The following CADPS variants were observed in gnomAD, a reference collection of about 807,000 sequenced individuals.
CADPS encodes the protein calcium-dependent secretion activator 1.
A neutral mutation model predicts 167.3 loss-of-function variants in CADPS; 57 were observed. The ratio of observed to expected loss-of-function variants is 0.34; its 90% CI spans 0.28 to 0.42. The LOEUF is 0.42. CADPS is among the 20% of genes least tolerant of loss of function. CADPS has a pLI of 1.00. For missense variants in CADPS, 1,414 were observed against 1,738.1 expected, an observed-to-expected ratio of 0.81 and a Z score of 3.32; for synonymous variants, 676 against 635.3, an observed-to-expected ratio of 1.06 and a Z score of -0.96.
intron 28 of CADPS, among the ~76,000 whole-genome samples, chr3:62,419,416 A>C (rs1294967949): frequency 6.6e-6 from 1 of 152,122 alleles, no homozygotes; most frequent in Non-Finnish European, 1.5e-5. Context: ...CATCCTCTCA[A>C]AGGAACTTAC....
intron 10 of CADPS, among the ~76,000 whole-genome samples, chr3:62,552,670 T>C (rs138463589): frequency 6.6e-6 from 1 of 152,316 alleles, no homozygotes; most frequent in African/African-American, 2.4e-5. Context: ...GACTTCTTCA[T>C]TGTGCCGATG....
chr3:62,869,984 T>A (rs1450480079), intron 1 of CADPS, among the ~76,000 whole-genome samples: 1 of 152,172 alleles, frequency 6.6e-6, no homozygotes, highest in African/African-American at 2.4e-5. Context: ...GAATGAAACA[T>A]TTAATTTCCT....
intron 28 of CADPS, among the ~76,000 whole-genome samples, chr3:62,429,146 C>T (rs550376625): frequency 2.2e-4 from 34 of 152,304 alleles, no homozygotes; most frequent in Admixed American, 1.6e-3. Context: ...TGTGTGTACA[C>T]GCACACTGGG....
At position 62,585,179 on chromosome 3, in the gene CADPS, A is replaced by G. The variant is rs60992373; in HGVS notation, c.1577+6T>C. 6.2e-4 allele frequency: 1,002 copies of G among 1,613,024 alleles called. 6 individuals carry two copies. The African/African-American group carries it at 0.011, about 18-fold the overall frequency. The stretch of plus-strand genomic sequence containing the variant: ...CAAAACTGCTAGTTGGGGAAGAAAC[A>G]CTTACCCAGAATGCTTCATGTTTTG... On this transcript the variant is annotated splice_donor_region_variant and intron_variant, in intron 8 of 29. Transcript: ENST00000383710.
intron 27 of CADPS, among the ~76,000 whole-genome samples, chr3:62,443,082 GCAC>G (rs2056625810): frequency 6.6e-6 from 1 of 152,054 alleles, no homozygotes. Flanking sequence ...TTTCTAATAT[GCAC>G]TAAAATAATT....
chr3:62,467,987 C>T (rs2150430807), intron 24 of CADPS, among the ~76,000 whole-genome samples: 1 of 152,250 alleles, frequency 6.6e-6, no homozygotes, highest in South Asian at 2.1e-4. Context: ...CCTCCAGTTT[C>T]ATTTTAATTG....
intron 1 of CADPS, among the ~76,000 whole-genome samples, chr3:62,833,996 C>T (rs1215535908): frequency 6.6e-6 from 1 of 152,144 alleles, no homozygotes; most frequent in Non-Finnish European, 1.5e-5. Flanking sequence ...ATGATCTCTT[C>T]CTGATGTGAT....
At chr3:62,642,171 G>A (rs1202440725) in intron 6 of CADPS, among the ~76,000 whole-genome samples, 1 of 151,702 alleles carries the variant, frequency 6.6e-6, no homozygotes, top group South Asian at 2.1e-4. Context: ...ACAATGTTAG[G>A]GTTCCAGTTA....
chr3:62,693,447 G>T (rs1442584582), intron 3 of CADPS, among the ~76,000 whole-genome samples: 3 of 152,056 alleles, frequency 2.0e-5, no homozygotes, highest in Non-Finnish European at 4.4e-5. Flanking sequence ...CATATTTGAT[G>T]AATAAATTGA....
At chr3:62,445,247 A>G (rs1343967216) in intron 27 of CADPS, among the ~76,000 whole-genome samples, 1 of 152,218 alleles carries the variant, frequency 6.6e-6, no homozygotes, top group African/African-American at 2.4e-5. Flanking sequence ...GGTTTCCTTA[A>G]AACAATTGCA....
intron 9 of CADPS, 60 bp from the exon 10 acceptor site, chr3:62,557,573 C>G: frequency 1.5e-6 from 2 of 1,305,444 alleles, no homozygotes; most frequent in Non-Finnish European, 2.2e-6. Context: ...CCAAAAAACC[C>G]TCCCCCATGT....
At chr3:62,709,080 T>C (rs1171241765) in intron 3 of CADPS, among the ~76,000 whole-genome samples, 2 of 152,136 alleles carry the variant, frequency 1.3e-5, no homozygotes, top group Non-Finnish European at 2.9e-5. Context: ...CTAGATTCCC[T>C]GTCCCAACAT....
At chr3:62,794,770 C>T (rs908904592) in intron 1 of CADPS, among the ~76,000 whole-genome samples, 5 of 89,324 alleles carry the variant, frequency 5.6e-5, no homozygotes, top group African/African-American at 3.7e-4. Flanking sequence ...AAGACAGACG[C>T]AAGGTGGTAA....
chr3:62,647,543 G>C (rs1248439500), intron 5 of CADPS, among the ~76,000 whole-genome samples: 1 of 152,152 alleles, frequency 6.6e-6, no homozygotes, highest in Non-Finnish European at 1.5e-5. Context: ...TGATGTTGAA[G>C]TCACTTCATT....
chr3:62,435,703 G>A (rs551151506), intron 28 of CADPS, among the ~76,000 whole-genome samples: 2 of 152,122 alleles, frequency 1.3e-5, no homozygotes, highest in East Asian at 3.9e-4. Flanking sequence ...GTGATGTGCA[G>A]TGAGTGATTG....
intron 28 of CADPS, among the ~76,000 whole-genome samples, chr3:62,410,059 C>T (rs141086744): frequency 1.9e-4 from 29 of 152,296 alleles, no homozygotes; most frequent in African/African-American, 7.0e-4. Context: ...TATATACACA[C>T]ACACATACTC....
rs74792269 is a variant in CADPS at position 62,456,155 on chromosome 3, G to A, written c.3636+9212C>T. ...TTTTCCTTCTCTGGTTTCAGTTTCC[G>A]CAACTGCAAAATGGAGTGGCTAGAA... On this transcript the variant is annotated intron_variant, in intron 26 of 29. Transcript: ENST00000383710. Among the ~76,000 whole-genome samples, 842 of 152,162 alleles carry A rather than the reference G, an allele frequency of 5.5e-3. 6 individuals are homozygous for A. Among genetic ancestry groups the A allele is most frequent in the African/African-American group, 0.018 (737 of 41,524 alleles).
At chr3:62,832,748 A>G (rs991706972) in intron 1 of CADPS, among the ~76,000 whole-genome samples, 2 of 152,250 alleles carry the variant, frequency 1.3e-5, no homozygotes, top group Non-Finnish European at 2.9e-5. Context: ...ATGTAAGAAC[A>G]CAAGCTGCTG....
intron 3 of CADPS, among the ~76,000 whole-genome samples, chr3:62,719,028 TC>T (rs2075231124): frequency 6.6e-6 from 1 of 152,218 alleles, no homozygotes; most frequent in South Asian, 2.1e-4. Context: ...ACACAGGGAC[TC>T]CTTTGTGCAT....
Sources: allele counts gnomAD v4.1 joint callset (sites outside exome capture counted in the v4.1 genomes callset), GRCh38; gene constraint gnomAD v4.1.1; transcripts MANE v1.5; gene names NCBI Gene and HGNC (gene_info 2026-07-23, HGNC 2026-07-21).